The following CHCHD3 variants were observed in gnomAD, a reference collection of about 807,000 sequenced individuals.
CHCHD3 encodes the protein MICOS complex subunit MIC19.
A neutral mutation model predicts 38.2 loss-of-function variants in CHCHD3; 20 were observed. The ratio of observed to expected loss-of-function variants is 0.52; its 90% confidence interval spans 0.37 to 0.76. CHCHD3 has a LOEUF of 0.76. CHCHD3 is among the 30% of genes least tolerant of loss of function. CHCHD3 has a pLI of 0.00. For missense variants in CHCHD3, 245 were observed against 279.2 expected (o/e 0.88, Z 0.87); for synonymous variants, 82 against 100.0 (o/e 0.82, Z 1.07).
chr7:132,867,250 C>G (rs1405742629), intron 5 of CHCHD3, among the ~76,000 whole-genome samples: 1 of 151,900 alleles, frequency 6.6e-6, no homozygotes, highest in Non-Finnish European at 1.5e-5. Flanking sequence ...ACTACTAGTG[C>G]AAAAAATAAC....
At chr7:132,947,295 A>G (rs1395197596) in intron 4 of CHCHD3, among the ~76,000 whole-genome samples, 1 of 151,964 alleles carries the variant, frequency 6.6e-6, no homozygotes, top group Admixed American at 6.6e-5. Context: ...TTATCTCAAT[A>G]TCTAAGCATA....
intron 4 of CHCHD3, among the ~76,000 whole-genome samples, chr7:132,890,936 A>T (rs1809344456): frequency 6.6e-6 from 1 of 152,204 alleles, no homozygotes; most frequent in Admixed American, 6.5e-5. Flanking sequence ...AGTAGGAAAA[A>T]GAGCTTTATT....
At chr7:132,825,418 C>A (rs1196683020) in intron 6 of CHCHD3, among the ~76,000 whole-genome samples, 2 of 152,220 alleles carry the variant, frequency 1.3e-5, no homozygotes, top group African/African-American at 4.8e-5. Flanking sequence ...CCCAAACCAA[C>A]ACCCAACTAA....
rs571472088 is a variant in CHCHD3 at position 132,842,670 on chromosome 7, T to C, written c.454-4201A>G. On this transcript the variant is annotated intron_variant, in intron 5 of 7. Transcript: ENST00000262570. ...TGAAGAATACTGGTCAGATATTTTG[T>C]AGAGTGACTCGTGATTTGGGCTCAC... Among the ~76,000 whole-genome samples, 3 of 152,314 alleles carry C rather than the reference T, an allele frequency of 2.0e-5. No individual in the cohort carries two copies. In the East Asian group the frequency reaches 5.8e-4, roughly 29 times the overall value.
intron 6 of CHCHD3, among the ~76,000 whole-genome samples, chr7:132,798,428 G>A (rs559862224): frequency 3.3e-5 from 5 of 152,170 alleles, no homozygotes; most frequent in East Asian, 1.9e-4. Flanking sequence ...GGAATCAGCC[G>A]TGCTTCAAAG....
At chr7:132,895,558 C>T (rs66770731) in intron 4 of CHCHD3, among the ~76,000 whole-genome samples, 10,988 of 152,282 alleles carry the variant, frequency 0.072, 939 homozygotes, top group East Asian at 0.2. Flanking sequence ...CTAATTCCCA[C>T]GTGTCATGCA....
chr7:132,896,837 T>C (rs559504854), intron 4 of CHCHD3, among the ~76,000 whole-genome samples: 71 of 152,196 alleles, frequency 4.7e-4, no homozygotes, highest in Non-Finnish European at 7.3e-4. Flanking sequence ...ACAGTATCAC[T>C]AGCAAACTTA....
chr7:133,027,084 T>C (rs10244893), intron 2 of CHCHD3, among the ~76,000 whole-genome samples: 5,340 of 151,932 alleles, frequency 0.035, 305 homozygotes, highest in African/African-American at 0.12. Context: ...ATTACAGGCA[T>C]GCGCCACCAT....
intron 4 of CHCHD3, among the ~76,000 whole-genome samples, chr7:132,935,267 G>A (rs1038352983): frequency 3.3e-5 from 5 of 152,176 alleles, no homozygotes; most frequent in Non-Finnish European, 1.5e-5. Context: ...CACAGATTTC[G>A]CTCAGCCACA....
At chr7:132,997,659 TAAAA>T (rs71178073) in intron 3 of CHCHD3, among the ~76,000 whole-genome samples, 10 of 81,770 alleles carry the variant, frequency 1.2e-4, no homozygotes, top group East Asian at 5.9e-4. Context: ...AACAGGGTTG[TAAAA>T]AAAAAAAAAA....
chr7:133,048,238 TTTATATCTGC>T (rs1490917258), intron 2 of CHCHD3, among the ~76,000 whole-genome samples: 1 of 152,176 alleles, frequency 6.6e-6, no homozygotes. Context: ...GAAAGCGTAG[TTTATATCTGC>T]TTATATCTGC....
intron 4 of CHCHD3, among the ~76,000 whole-genome samples, chr7:132,914,628 C>G (rs892532606): frequency 6.6e-6 from 1 of 152,164 alleles, no homozygotes; most frequent in Admixed American, 6.5e-5. Context: ...TTCCAGACAA[C>G]AGCCTTCAAA....
chr7:132,897,284 T>C (rs1809524502), intron 4 of CHCHD3, among the ~76,000 whole-genome samples: 2 of 152,220 alleles, frequency 1.3e-5, no homozygotes, highest in African/African-American at 2.4e-5. Flanking sequence ...TTGGTGTCAG[T>C]GAACTGACAA....
At chr7:133,033,010 G>C (rs1381039253) in intron 2 of CHCHD3, among the ~76,000 whole-genome samples, 1 of 152,048 alleles carries the variant, frequency 6.6e-6, no homozygotes, top group African/African-American at 2.4e-5. Flanking sequence ...ACCAAGAAAA[G>C]TAATCAATAT....
At chr7:133,014,440 C>T (rs1309284747) in intron 3 of CHCHD3, among the ~76,000 whole-genome samples, 2 of 151,986 alleles carry the variant, frequency 1.3e-5, no homozygotes, top group African/African-American at 2.4e-5. Context: ...TTGCTCCCAT[C>T]GTGGCTGAAT....
chr7:132,874,885 C>T (rs916199795), intron 5 of CHCHD3, among the ~76,000 whole-genome samples: 14 of 152,128 alleles, frequency 9.2e-5, no homozygotes, highest in Admixed American at 1.3e-4. Flanking sequence ...GAGCACCGCA[C>T]CTTTAGGACC....
intron 4 of CHCHD3, among the ~76,000 whole-genome samples, chr7:132,954,119 C>T (rs7781195): frequency 0.2 from 30,577 of 151,876 alleles, 3,313 homozygotes; most frequent in South Asian, 0.25. Context: ...GGCAGAGGGA[C>T]AGGCAGGAGG....
rs1460110878 is a variant in CHCHD3, at chr7:132,838,938, C to T, written c.454-469G>A. ...AGATGGTATGGCTCATGCCTATAATCCCAGCACTTTGGGAGGCCGAGGTGG... is the reference window on the plus strand; with the variant it reads ...AGATGGTATGGCTCATGCCTATAATTCCAGCACTTTGGGAGGCCGAGGTGG... On this transcript the variant is annotated intron_variant, in intron 5 of 7. Coordinates refer to ENST00000262570, the MANE Select transcript of CHCHD3 (RefSeq NM_017812.4). Among the ~76,000 whole-genome samples, 6 of 152,076 alleles carry T rather than the reference C, an allele frequency of 3.9e-5. No individual in the cohort carries two copies. The East Asian group carries it at 9.6e-4, about 24-fold the overall frequency.
chr7:133,011,392 A>G (rs548591768), intron 3 of CHCHD3, among the ~76,000 whole-genome samples: 4 of 152,342 alleles, frequency 2.6e-5, no homozygotes, highest in Admixed American at 2.6e-4. Flanking sequence ...TGACTTTGTA[A>G]TACTACAAAT....
Sources: gnomAD v4.1 joint callset for allele counts (sites outside exome capture counted in the v4.1 genomes callset) on GRCh38, gnomAD v4.1.1 for gene constraint, MANE v1.5 for transcripts, NCBI Gene and HGNC (gene_info 2026-07-23, HGNC 2026-07-21) for gene names.